MIPOL1: variants seen among roughly 807,000 people sequenced by gnomAD.
MIPOL1 encodes mirror-image polydactyly 1.
In MIPOL1, 57 loss-of-function variants were observed where a neutral mutation model predicts 60.9. The observed-to-expected ratio is 0.94, with a 90% CI of 0.76 to 1.17. The LOEUF is 1.17. Ranked by LOEUF, MIPOL1 falls within the 50% of genes most tolerant of loss-of-function variation. The pLI is 0.00. For missense variants in MIPOL1, 551 were observed against 511.6 expected (o/e 1.08, Z -0.74); for synonymous variants, 179 against 168.8 (o/e 1.06, Z -0.47).
chr14:37,521,102 A>G (rs2095410341), intron 12 of MIPOL1, among the ~76,000 whole-genome samples: 1 of 151,656 alleles, frequency 6.6e-6, no homozygotes, highest in African/African-American at 2.4e-5. Context: ...ACGCCTGGCT[A>G]ATTTTTGTAT....
At chr14:37,516,679 G>C (rs1000893071) in intron 12 of MIPOL1, among the ~76,000 whole-genome samples, 14 of 152,086 alleles carry the variant, frequency 9.2e-5, no homozygotes, top group Admixed American at 7.2e-4. Context: ...TATTTGCTAT[G>C]ACTTTAGAAA....
At chr14:37,526,380 T>C (rs1476878328) in intron 12 of MIPOL1, among the ~76,000 whole-genome samples, 3 of 149,346 alleles carry the variant, frequency 2.0e-5, no homozygotes, top group African/African-American at 7.4e-5. Flanking sequence ...TTTTTTTTTT[T>C]TTTTTTTGAG....
chr14:37,417,777 A>G (rs1047248492), intron 10 of MIPOL1, among the ~76,000 whole-genome samples: 1 of 152,148 alleles, frequency 6.6e-6, no homozygotes, highest in Admixed American at 6.6e-5. Context: ...ATTTATGGTT[A>G]CTCTGGAAAT....
chr14:37,364,204 C>T (rs1382165371), intron 9 of MIPOL1, among the ~76,000 whole-genome samples: 1 of 152,232 alleles, frequency 6.6e-6, no homozygotes, highest in Admixed American at 6.5e-5. Flanking sequence ...CAGAAATCAC[C>T]AGTCTTCTAC....
chr14:37,489,277 G>A (rs998935993), intron 11 of MIPOL1, among the ~76,000 whole-genome samples: 1 of 151,620 alleles, frequency 6.6e-6, no homozygotes. Flanking sequence ...TATGTATCAC[G>A]TGCTGTGTTT....
In MIPOL1 at chr14:37,280,467, C is replaced by T. The variant is rs193042853; in HGVS notation, c.494-4851C>T. 3.9e-5 allele frequency among the ~76,000 whole-genome samples: 6 copies of T among 152,276 alleles called. 1 individual carries two copies. Among genetic ancestry groups the T allele is most frequent in the Admixed American group, 3.9e-4 (6 of 15,284 alleles). The stretch of plus-strand genomic sequence containing the variant: ...TGTAATGGTTTGCTTTTCTCCACAT[C>T]CACACCAACACTTGTTATCTTTCGT... On this transcript the variant is annotated intron_variant, in intron 6 of 12. Transcript: ENST00000684589.
intron 7 of MIPOL1, among the ~76,000 whole-genome samples, chr14:37,298,894 T>G (rs1293626324): frequency 6.7e-6 from 1 of 149,532 alleles, no homozygotes; most frequent in Admixed American, 6.7e-5. Flanking sequence ...GTGTGGCGAT[T>G]CCTCAGGGAT....
intron 9 of MIPOL1, among the ~76,000 whole-genome samples, chr14:37,338,195 C>T (rs1383163844): frequency 6.6e-6 from 1 of 151,564 alleles, no homozygotes; most frequent in African/African-American, 2.4e-5. Flanking sequence ...CAAGCTCCAC[C>T]TCCTGGGTCC....
At chr14:37,355,238 A>G (rs1278694165) in intron 9 of MIPOL1, among the ~76,000 whole-genome samples, 1 of 138,766 alleles carries the variant, frequency 7.2e-6, no homozygotes, top group East Asian at 2.3e-4. Context: ...ATTGGCCCCC[A>G]CTCTCTTCTG....
At chr14:37,515,134 T>A (rs560876653) in intron 12 of MIPOL1, among the ~76,000 whole-genome samples, 3 of 152,312 alleles carry the variant, frequency 2.0e-5, no homozygotes, top group African/African-American at 7.2e-5. Flanking sequence ...GTCCATAGAT[T>A]AACTTTATTC....
chr14:37,313,601 A>G (rs993216329), intron 9 of MIPOL1, among the ~76,000 whole-genome samples: 1 of 152,148 alleles, frequency 6.6e-6, no homozygotes, highest in African/African-American at 2.4e-5. Context: ...CACTCAAAAC[A>G]GAAGGCAAAA....
At chr14:37,320,165 A>G (rs574735014) in intron 9 of MIPOL1, among the ~76,000 whole-genome samples, 61 of 152,246 alleles carry the variant, frequency 4.0e-4, no homozygotes, top group Middle Eastern at 6.8e-3. Context: ...ATTTATTTTG[A>G]TACATATACA....
chr14:37,311,625 T>A (rs1224872324), intron 9 of MIPOL1, among the ~76,000 whole-genome samples: 1 of 152,236 alleles, frequency 6.6e-6, no homozygotes, highest in Non-Finnish European at 1.5e-5. Context: ...AATCTTTTTT[T>A]AACTTTGATT....
intron 9 of MIPOL1, among the ~76,000 whole-genome samples, chr14:37,312,944 T>A (rs759873391): frequency 5.9e-5 from 9 of 152,182 alleles, no homozygotes; most frequent in African/African-American, 1.7e-4. Flanking sequence ...AAACAAAAAA[T>A]TTAGAATTTT....
intron 6 of MIPOL1, among the ~76,000 whole-genome samples, chr14:37,282,529 C>G (rs113246168): frequency 0.039 from 5,944 of 151,690 alleles, 271 homozygotes; most frequent in African/African-American, 0.11. Flanking sequence ...CACTTGAGCC[C>G]AGGAGTACGA....
chr14:37,521,893 A>AAAAC (rs371492296), intron 12 of MIPOL1, among the ~76,000 whole-genome samples: 1 of 123,576 alleles, frequency 8.1e-6, no homozygotes, highest in African/African-American at 3.1e-5. Context: ...AAGAAAAAAA[A>AAAAC]ATATATATAT....
chr14:37,538,849 T>G (rs189200020), intron 12 of MIPOL1, among the ~76,000 whole-genome samples: 1 of 152,278 alleles, frequency 6.6e-6, no homozygotes, highest in Non-Finnish European at 1.5e-5. Context: ...GGACCAACTG[T>G]TAGCACATGC....
chr14:37,456,698 A>G (rs1257656030), intron 11 of MIPOL1, among the ~76,000 whole-genome samples: 2 of 152,110 alleles, frequency 1.3e-5, no homozygotes, highest in Non-Finnish European at 2.9e-5. Flanking sequence ...TCGTAGTTGT[A>G]TTTGTCACTT....
At chr14:37,203,391 G>A (rs1391020744) in intron 1 of MIPOL1, among the ~76,000 whole-genome samples, 2 of 152,098 alleles carry the variant, frequency 1.3e-5, no homozygotes, top group Non-Finnish European at 2.9e-5. Flanking sequence ...GGTCATTTAG[G>A]CTACCTTCTC....
Sources: gnomAD v4.1 joint callset for allele counts (sites outside exome capture counted in the v4.1 genomes callset) on GRCh38, gnomAD v4.1.1 for gene constraint, MANE v1.5 for transcripts, NCBI Gene and HGNC (gene_info 2026-07-23, HGNC 2026-07-21) for gene names.